The following TENM2 variants were observed in gnomAD, a reference collection of about 807,000 sequenced individuals.
TENM2 encodes teneurin transmembrane protein 2.
A neutral mutation model predicts 245.2 loss-of-function variants in TENM2; 52 were observed. The ratio of observed to expected loss-of-function variants is 0.21; its 90% confidence interval spans 0.17 to 0.27. The LOEUF is 0.27. Among genes scored for constraint, TENM2 ranks in the 10% least tolerant of loss-of-function variants. TENM2 has a pLI of 1.00. For synonymous variants in TENM2, 1,363 were observed against 1,438.9 expected, an observed-to-expected ratio of 0.95 and a Z score of 1.19; for missense variants, 3,046 against 3,666.8, an observed-to-expected ratio of 0.83 and a Z score of 4.37.
intron 2 of TENM2, among the ~76,000 whole-genome samples, chr5:167,781,293 A>G (rs1764169619): frequency 6.6e-6 from 1 of 152,262 alleles, no homozygotes; most frequent in Non-Finnish European, 1.5e-5. Flanking sequence ...CCTAGGCCCT[A>G]AGACATAGAG....
chr5:167,508,247 C>A (rs1769689688), intron 2 of TENM2, among the ~76,000 whole-genome samples: 1 of 152,114 alleles, frequency 6.6e-6, no homozygotes, highest in Admixed American at 6.6e-5. Flanking sequence ...CTCCACACAC[C>A]CCCTTTTTAT....
intron 2 of TENM2, among the ~76,000 whole-genome samples, chr5:167,743,762 T>C (rs1761368747): frequency 1.3e-5 from 2 of 152,108 alleles, no homozygotes; most frequent in African/African-American, 2.4e-5. Flanking sequence ...TGGAGAGAAA[T>C]AGAGAAACCT....
the TENM2 span, among the ~76,000 whole-genome samples, chr5:167,053,436 TG>T: frequency 5.4e-3 from 823 of 152,334 alleles, 22 homozygotes; most frequent in East Asian, 0.09. Flanking sequence ...AGCAGATGTT[TG>T]TATGTGCTAA....
At chr5:167,595,215 G>C (rs775813339) in intron 2 of TENM2, among the ~76,000 whole-genome samples, 1 of 152,114 alleles carries the variant, frequency 6.6e-6, no homozygotes, top group Non-Finnish European at 1.5e-5. Context: ...CAGGGAAAGA[G>C]ACAATCAGAA....
chr5:167,137,042 T>C, the TENM2 span, among the ~76,000 whole-genome samples: 1 of 152,192 alleles, frequency 6.6e-6, no homozygotes, highest in African/African-American at 2.4e-5. Context: ...AGTTGGCTGC[T>C]TTCCTGCTGA....
intron 1 of TENM2, among the ~76,000 whole-genome samples, chr5:167,294,041 A>T (rs1754810429): frequency 6.6e-6 from 1 of 151,358 alleles, no homozygotes; most frequent in Non-Finnish European, 1.5e-5. Flanking sequence ...GCCAATGGTA[A>T]CTTTATTTGC....
the TENM2 span, among the ~76,000 whole-genome samples, chr5:167,132,951 G>A: frequency 6.6e-6 from 1 of 152,192 alleles, no homozygotes; most frequent in African/African-American, 2.4e-5. Flanking sequence ...GACACTGAAT[G>A]TGTCATACAA....
chr5:167,054,213 TC>T, the TENM2 span, among the ~76,000 whole-genome samples: 90,419 of 152,068 alleles, frequency 0.59, 29,439 homozygotes, highest in African/African-American at 0.88. Context: ...TCCTGCTAAT[TC>T]CTGTAAATAT....
At chr5:167,179,170 A>T in the TENM2 span, among the ~76,000 whole-genome samples, 1,658 of 152,292 alleles carry the variant, frequency 0.011, 9 homozygotes, top group Non-Finnish European at 0.017. Context: ...CATATTTTTA[A>T]TTGGCACTGT....
At chr5:167,059,496 T>C in the TENM2 span, among the ~76,000 whole-genome samples, 2 of 152,178 alleles carry the variant, frequency 1.3e-5, no homozygotes, top group Non-Finnish European at 2.9e-5. Context: ...TGAAAGATCA[T>C]ACTTTGTAGT....
At chr5:167,743,906 T>C (rs1283411289) in intron 2 of TENM2, among the ~76,000 whole-genome samples, 3 of 152,206 alleles carry the variant, frequency 2.0e-5, no homozygotes, top group African/African-American at 7.2e-5. Context: ...CCTACCTCAT[T>C]GATACAATCC....
chr5:167,687,799 C>T (rs1202594065), intron 2 of TENM2, among the ~76,000 whole-genome samples: 1 of 152,004 alleles, frequency 6.6e-6, no homozygotes, highest in Non-Finnish European at 1.5e-5. Flanking sequence ...TTAAATGGTA[C>T]ATTTTTGTAT....
At chr5:167,610,331 C>T (rs931990985) in intron 2 of TENM2, among the ~76,000 whole-genome samples, 4 of 152,046 alleles carry the variant, frequency 2.6e-5, no homozygotes, top group Admixed American at 6.6e-5. Context: ...ATTATGTAGG[C>T]GTGATTGATT....
At chr5:167,785,678 G>A (rs1764528836) in intron 2 of TENM2, among the ~76,000 whole-genome samples, 1 of 152,158 alleles carries the variant, frequency 6.6e-6, no homozygotes, top group Admixed American at 6.5e-5. Flanking sequence ...CCCTCTTCAG[G>A]TCTGCTCTGC....
chr5:167,295,932 C>T (rs555261158), intron 1 of TENM2, among the ~76,000 whole-genome samples: 1 of 152,210 alleles, frequency 6.6e-6, no homozygotes, highest in South Asian at 2.1e-4. Flanking sequence ...ACTGAGTGTG[C>T]ACCACAATAT....
chr5:167,637,081 T>C (rs1228872108), intron 2 of TENM2, among the ~76,000 whole-genome samples: 1 of 152,182 alleles, frequency 6.6e-6, no homozygotes, highest in African/African-American at 2.4e-5. Context: ...AACAAAATCA[T>C]CTATGATTTA....
the TENM2 span, among the ~76,000 whole-genome samples, chr5:166,985,448 G>A: frequency 6.6e-6 from 1 of 152,018 alleles, no homozygotes; most frequent in Non-Finnish European, 1.5e-5. Flanking sequence ...GGCACAAACT[G>A]GCTTCTCTAT....
At chr5:167,488,326 C>T (rs943130974) in intron 2 of TENM2, among the ~76,000 whole-genome samples, 3 of 152,156 alleles carry the variant, frequency 2.0e-5, no homozygotes, top group Admixed American at 6.5e-5. Flanking sequence ...TCTTGAAACA[C>T]ACTCCAGTAA....
At chr5:167,052,466 C>G in the TENM2 span, among the ~76,000 whole-genome samples, 1 of 152,222 alleles carries the variant, frequency 6.6e-6, no homozygotes, top group Non-Finnish European at 1.5e-5. Context: ...GTTCCACATA[C>G]AGAGAGGATC....
Sources: allele counts gnomAD v4.1 joint callset (sites outside exome capture counted in the v4.1 genomes callset), GRCh38; gene constraint gnomAD v4.1.1; transcripts MANE v1.5; gene names NCBI Gene and HGNC (gene_info 2026-07-23, HGNC 2026-07-21).